SOX5: variants seen among roughly 807,000 people sequenced by gnomAD.
SOX5 encodes transcription factor SOX-5.
Under a neutral mutation model 92.0 loss-of-function variants are expected in SOX5, and 9 were observed. That is an observed-to-expected ratio of 0.10 (90% CI 0.06 to 0.17). The LOEUF (loss-of-function observed/expected upper bound fraction) is 0.17. Ranked by LOEUF, SOX5 falls within the 10% of genes least tolerant of loss-of-function variation. The pLI is 1.00. For missense variants in SOX5, 642 were observed against 944.5 expected, an observed-to-expected ratio of 0.68 and a Z score of 4.20; for synonymous variants, 344 against 336.3, an observed-to-expected ratio of 1.02 and a Z score of -0.25.
chr12:23,721,091 T>C (rs953913649), intron 6 of SOX5, among the ~76,000 whole-genome samples: 6 of 151,922 alleles, frequency 3.9e-5, no homozygotes, highest in African/African-American at 1.2e-4. Context: ...ATTTATTTAT[T>C]TATTTATTTT....
intron 1 of SOX5, among the ~76,000 whole-genome samples, chr12:24,504,263 T>G (rs1315702199): frequency 6.6e-6 from 1 of 152,218 alleles, no homozygotes; most frequent in African/African-American, 2.4e-5. Flanking sequence ...ACAGTTCCAT[T>G]TGTGCCTATT....
At chr12:24,061,189 G>A (rs1939623356) in intron 4 of SOX5, among the ~76,000 whole-genome samples, 1 of 151,972 alleles carries the variant, frequency 6.6e-6, no homozygotes, top group African/African-American at 2.4e-5. Flanking sequence ...AAAGGACGAA[G>A]AGAAGAAATT....
intron 3 of SOX5, among the ~76,000 whole-genome samples, chr12:24,250,662 T>A (rs1296504693): frequency 6.6e-6 from 1 of 152,266 alleles, no homozygotes; most frequent in Non-Finnish European, 1.5e-5. Context: ...ACTCTATTTT[T>A]ATTTAACTTT....
intron 1 of SOX5, among the ~76,000 whole-genome samples, chr12:24,552,692 A>G (rs1953312990): frequency 6.6e-6 from 1 of 152,222 alleles, no homozygotes; most frequent in African/African-American, 2.4e-5. Context: ...ATTTGATAAT[A>G]AGCAACATTT....
intron 4 of SOX5, among the ~76,000 whole-genome samples, chr12:24,004,157 T>A (rs1951895460): frequency 2.0e-5 from 3 of 151,420 alleles, no homozygotes; most frequent in Admixed American, 2.0e-4. Context: ...TGCTCAAAAT[T>A]GATCACAGAC....
At chr12:23,965,342 C>G (rs1319338847) in intron 4 of SOX5, among the ~76,000 whole-genome samples, 1 of 152,142 alleles carries the variant, frequency 6.6e-6, no homozygotes, top group Non-Finnish European at 1.5e-5. Context: ...ACCTTCCTAT[C>G]AGCTTGTCCT....
chr12:23,707,548 C>T (rs781398036), intron 6 of SOX5, among the ~76,000 whole-genome samples: 2 of 152,104 alleles, frequency 1.3e-5, no homozygotes, highest in Non-Finnish European at 2.9e-5. Flanking sequence ...GTAGAATATA[C>T]AGAGAGCAAC....
In SOX5 at chr12:23,598,561, G is replaced by A. The variant is rs1469636761; in HGVS notation, c.1164+5826C>T. ...CTACAGGCGCCTGCCACCACGCCCG[G>A]CTAATTTTTTGTATTTTTTAGTAGA... On this transcript the variant is annotated intron_variant, in intron 9 of 14. Coordinates refer to ENST00000451604, the MANE Select transcript of SOX5 (RefSeq NM_006940.6). 2.0e-5 allele frequency among the ~76,000 whole-genome samples: 3 copies of A among 151,488 alleles called. No individual in the cohort carries two copies. In the East Asian group the frequency reaches 5.8e-4, roughly 29 times the overall value.
intron 4 of SOX5, among the ~76,000 whole-genome samples, chr12:24,095,152 G>GAGAGAGAGAGAGAGAGAGAC (rs879260192): frequency 7.3e-6 from 1 of 137,576 alleles, no homozygotes; most frequent in Non-Finnish European, 1.6e-5. Context: ...GAGAGAGAGA[G>GAGAGAGAGAGAGAGAGAGAC]AGAGACAGAG....
intron 3 of SOX5, among the ~76,000 whole-genome samples, chr12:23,822,095 T>C (rs2096130917): frequency 6.6e-6 from 1 of 152,184 alleles, no homozygotes; most frequent in Admixed American, 6.5e-5. Context: ...CATTGATTTT[T>C]TGAAGGGTTT....
chr12:24,451,348 T>C (rs368743012), intron 1 of SOX5, among the ~76,000 whole-genome samples: 11 of 152,320 alleles, frequency 7.2e-5, no homozygotes, highest in African/African-American at 2.4e-4. Flanking sequence ...GGTAGCTCAA[T>C]GTGTAGTTTT....
At chr12:24,474,373 C>A (rs1945127352) in intron 1 of SOX5, among the ~76,000 whole-genome samples, 1 of 152,104 alleles carries the variant, frequency 6.6e-6, no homozygotes, top group South Asian at 2.1e-4. Flanking sequence ...GTATTTGGTG[C>A]CTTCAAATTA....
chr12:24,216,689 A>G (rs1210836353), intron 3 of SOX5, among the ~76,000 whole-genome samples: 1 of 152,098 alleles, frequency 6.6e-6, no homozygotes, highest in African/African-American at 2.4e-5. Flanking sequence ...TTGGGAGACC[A>G]AGAAGGAGGG....
intron 3 of SOX5, among the ~76,000 whole-genome samples, chr12:24,230,084 A>T (rs1292949275): frequency 6.6e-6 from 1 of 152,020 alleles, no homozygotes; most frequent in Non-Finnish European, 1.5e-5. Flanking sequence ...TCCTGCCATC[A>T]CTCAGATTGG....
At chr12:24,051,181 C>A (rs1427309564) in intron 4 of SOX5, among the ~76,000 whole-genome samples, 1 of 152,116 alleles carries the variant, frequency 6.6e-6, no homozygotes, top group Non-Finnish European at 1.5e-5. Flanking sequence ...ATTCAAGGCA[C>A]AGGTTGATTT....
chr12:23,645,774 T>C (rs908794753), intron 7 of SOX5, among the ~76,000 whole-genome samples: 1 of 152,198 alleles, frequency 6.6e-6, no homozygotes, highest in Non-Finnish European at 1.5e-5. Context: ...TATGCATATA[T>C]ATGTAAATAG....
chr12:23,762,652 T>A, intron 3 of SOX5: 1 of 486,896 alleles, frequency 2.1e-6, no homozygotes, highest in Middle Eastern at 2.9e-4. Flanking sequence ...AGTTTTACAA[T>A]TTTTAATGTG....
rs1026499197 is a variant in SOX5 at position 23,968,236 on chromosome 12, T to C, written c.-1-72212A>G. On this transcript the variant is annotated intron_variant, in intron 4 of 4. Coordinates refer to the SOX5 transcript ENST00000446891. Reference sequence around the variant, plus strand: ...ATTCACTTCTCAGTGAAATAAAGTATGGCTTTTATCCACATACAGTGTGAT... The same window carrying C: ...ATTCACTTCTCAGTGAAATAAAGTACGGCTTTTATCCACATACAGTGTGAT... Among the ~76,000 whole-genome samples, 3 of 152,222 alleles carry C rather than the reference T, an allele frequency of 2.0e-5. No homozygotes were observed. In the East Asian group the frequency reaches 5.8e-4, roughly 29 times the overall value.
chr12:24,266,720 T>C (rs1043323578), intron 3 of SOX5, among the ~76,000 whole-genome samples: 1 of 152,262 alleles, frequency 6.6e-6, no homozygotes, highest in Non-Finnish European at 1.5e-5. Context: ...ATGCCAATAG[T>C]TGACCAGTTT....
Sources: gnomAD v4.1 joint callset for allele counts (sites outside exome capture counted in the v4.1 genomes callset) on GRCh38, gnomAD v4.1.1 for gene constraint, MANE v1.5 for transcripts, NCBI Gene and HGNC (gene_info 2026-07-23, HGNC 2026-07-21) for gene names.